SLC35F5: variants seen among roughly 807,000 people sequenced by gnomAD.
SLC35F5 encodes the protein HCV NS5A-transactivated protein 3.
A neutral mutation model predicts 68.6 loss-of-function variants in SLC35F5; 54 were observed. The observed-to-expected ratio is 0.79, with a 90% confidence interval of 0.63 to 0.99. The LOEUF (loss-of-function observed/expected upper bound fraction) is 0.99, where lower values mean the gene tolerates loss of function less well. Among genes scored for constraint, SLC35F5 ranks in the 50% least tolerant of loss-of-function variants. The pLI is 0.00. For missense variants in SLC35F5, 567 were observed against 626.9 expected, an observed-to-expected ratio of 0.90 and a Z score of 1.02; for synonymous variants, 211 against 205.2, an observed-to-expected ratio of 1.03 and a Z score of -0.24.
Position 113,733,901 on chromosome 2 carries a change from T to C in SLC35F5, c.920+685A>G, listed in dbSNP as rs1177008024. Among the ~76,000 whole-genome samples, 4 of 152,252 alleles carry C rather than the reference T, an allele frequency of 2.6e-5. No individual in the cohort carries two copies. In the South Asian group the frequency reaches 8.3e-4, roughly 31 times the overall value. On this transcript the variant is annotated intron_variant, in intron 9 of 15. Coordinates refer to ENST00000245680, the MANE Select transcript of SLC35F5 (RefSeq NM_025181.5). Reference sequence around the variant, plus strand: ...CAAATCATCCTGCTACCTTCTCTGATTTTGTTTCATAAAATAAGTTTTATT... The same window carrying C: ...CAAATCATCCTGCTACCTTCTCTGACTTTGTTTCATAAAATAAGTTTTATT...
In SLC35F5 at chr2:113,714,101, G is replaced by A. The variant is rs1023861826; in HGVS notation, c.*1117C>T. 1 of 152,094 alleles carries A rather than the reference G, an allele frequency of 6.6e-6. No individual in the cohort carries two copies. Among genetic ancestry groups the A allele is most frequent in the Non-Finnish European group, 1.5e-5 (1 of 67,990 alleles). 9.4% of individuals were successfully genotyped at this position (152,094 alleles called of 1,614,324 possible). ...AGGAGCAGTTGCATAATAAGTACAT[G>A]TAAGGCCTAAGTTTAAGAATTGCAA... is the stretch of plus-strand genomic sequence containing the variant. On this transcript the variant is annotated 3_prime_UTR_variant, in exon 16 of 16. Coordinates refer to ENST00000245680, the MANE Select transcript of SLC35F5 (RefSeq NM_025181.5).
At chr2:113,743,570 G>A in intron 6 of SLC35F5, 143 bp downstream of exon 6, 1 of 563,188 alleles carries the variant, frequency 1.8e-6, no homozygotes, top group African/African-American at 1.8e-5. Flanking sequence ...TCACAATCCA[G>A]TCAAACTTCT....
chr2:113,725,047 A>G (rs985598976), intron 12 of SLC35F5, among the ~76,000 whole-genome samples: 2 of 152,184 alleles, frequency 1.3e-5, no homozygotes, highest in African/African-American at 4.8e-5. Context: ...TACATACCTC[A>G]TATGTTTGGA....
chr2:113,755,619 C>A, intron 1 of SLC35F5, 75 bp from the exon 2 acceptor site: 2 of 1,356,590 alleles, frequency 1.5e-6, no homozygotes, highest in East Asian at 2.4e-5. Flanking sequence ...GTTTTTTACT[C>A]TTCATCTTCA....
chr2:113,756,452 G>A lies in SLC35F5; in HGVS notation c.-43C>T. 5.2e-6 allele frequency: 8 copies of A among 1,537,846 alleles called. No homozygotes were observed. The highest frequency in any genetic ancestry group is 6.1e-6 in the Non-Finnish European group (7 of 1,144,922). On this transcript the variant is annotated 5_prime_UTR_variant, in exon 1 of 16. Coordinates refer to ENST00000245680, the MANE Select transcript of SLC35F5 (RefSeq NM_025181.5). Reference sequence around the variant, plus strand: ...CCCGCAGCCGCCCAGCGCCACGGCCGCGGCCTCGGACTCACAGAGCTGTCA... The same window carrying A: ...CCCGCAGCCGCCCAGCGCCACGGCCACGGCCTCGGACTCACAGAGCTGTCA...
chr2:113,755,784 G>C, intron 1 of SLC35F5: 3 of 1,425,190 alleles, frequency 2.1e-6, no homozygotes, highest in Non-Finnish European at 2.9e-6. Context: ...TACAACATAC[G>C]GCACATTTAA....
chr2:113,732,267 C>T (rs1200766152), intron 9 of SLC35F5, among the ~76,000 whole-genome samples: 1 of 152,046 alleles, frequency 6.6e-6, no homozygotes, highest in Non-Finnish European at 1.5e-5. Flanking sequence ...TTCATAAACT[C>T]AATTGTTATT....
intron 6 of SLC35F5, among the ~76,000 whole-genome samples, chr2:113,743,399 CT>C (rs1301838201): frequency 1.3e-5 from 2 of 151,962 alleles, no homozygotes; most frequent in African/African-American, 4.8e-5. Flanking sequence ...CTATTAGGCT[CT>C]TTGAGGGCAT....
intron 14 of SLC35F5, among the ~76,000 whole-genome samples, chr2:113,718,213 AGCTTG>A (rs1225189378): frequency 1.1e-4 from 17 of 151,908 alleles, no homozygotes; most frequent in African/African-American, 4.1e-4. Context: ...CCTCCCAAGT[AGCTTG>A]GGACTGCAGG....
chr2:113,722,521 T>C (rs1314450713), intron 13 of SLC35F5, among the ~76,000 whole-genome samples: 2 of 152,226 alleles, frequency 1.3e-5, no homozygotes, highest in Non-Finnish European at 2.9e-5. Flanking sequence ...ACCTCTGTTC[T>C]TCCTGCTTCA....
chr2:113,709,710 T>C lies in SLC35F5; in HGVS notation c.*5508A>G, dbSNP rs1301209090. Among the ~76,000 whole-genome samples the C allele has an allele frequency of 6.6e-6, 1 of 152,174 alleles. No homozygotes were observed. The highest frequency in any genetic ancestry group is 1.5e-5 in the Non-Finnish European group (1 of 68,022). ...GGTCCTGGGACCAGCAGCTGGGGCATTACCTGGACGCTTGTTAGAAAGGCA... is the reference window on the plus strand; with the variant it reads ...GGTCCTGGGACCAGCAGCTGGGGCACTACCTGGACGCTTGTTAGAAAGGCA... On this transcript the variant is annotated 3_prime_UTR_variant, in exon 16 of 16. Coordinates refer to ENST00000245680, the MANE Select transcript of SLC35F5 (RefSeq NM_025181.5).
intron 2 of SLC35F5, 36 bp from the exon 3 acceptor site, chr2:113,755,342 A>G (rs1188938756): frequency 6.2e-7 from 1 of 1,608,790 alleles, no homozygotes; most frequent in South Asian, 1.1e-5. Flanking sequence ...ATTAGAGATG[A>G]TTTTAGAAAA....
chr2:113,745,954 A>G (rs909165445), intron 5 of SLC35F5, among the ~76,000 whole-genome samples: 10 of 152,200 alleles, frequency 6.6e-5, no homozygotes, highest in African/African-American at 2.4e-4. Flanking sequence ...CTCAGTGTCA[A>G]AAATATTTGT....
rs762878032 is a variant in SLC35F5 at position 113,717,738 on chromosome 2, A to G, written c.*22+15T>C. On this transcript the variant is annotated intron_variant, in intron 15 of 15. Transcript: ENST00000245680. ...AAGAACCTTATTCAATACTAAACCC[A>G]GCTCACATACAAACCTGGGCTACAG... 6 of 1,530,356 alleles carry G rather than the reference A, an allele frequency of 3.9e-6. No individual in the cohort carries two copies. In the East Asian group the frequency reaches 1.4e-4, roughly 34 times the overall value. The allele number at this position is 1,530,356 out of a possible 1,614,324, so 94.8% of individuals were successfully genotyped here. A position where few individuals can be genotyped will look rare whatever the true frequency, so the allele number is the denominator to read the frequency against.
chr2:113,739,688 T>G lies in SLC35F5; in HGVS notation c.750+3004A>C, dbSNP rs146732288. Among the ~76,000 whole-genome samples the G allele has an allele frequency of 1.0e-3, 155 of 152,270 alleles. 4 individuals carry two copies. In the East Asian group the frequency reaches 0.028, roughly 28 times the overall value. ...TGTATTAATTATATGCTACCCAGTT[T>G]TCAAAGGAGATGTGTAATAAAAGCA... On this transcript the variant is annotated intron_variant, in intron 7 of 15. Coordinates refer to ENST00000245680, the MANE Select transcript of SLC35F5 (RefSeq NM_025181.5).
chr2:113,729,582 G>T (rs2104432568), intron 10 of SLC35F5, 77 bp from the exon 11 acceptor site: 2 of 751,272 alleles, frequency 2.7e-6, no homozygotes, highest in Non-Finnish European at 4.6e-6. Context: ...TAATGTGTCA[G>T]ATAATATTGC....
chr2:113,754,615 A>G (rs899622986), intron 3 of SLC35F5, among the ~76,000 whole-genome samples: 2 of 152,226 alleles, frequency 1.3e-5, no homozygotes, highest in Non-Finnish European at 2.9e-5. Flanking sequence ...TAAAGACACA[A>G]TTTAACTGAA....
At chr2:113,726,647 G>A (rs1194433730) in intron 11 of SLC35F5, among the ~76,000 whole-genome samples, 2 of 152,100 alleles carry the variant, frequency 1.3e-5, no homozygotes, top group Non-Finnish European at 2.9e-5. Flanking sequence ...CTTCTGTGAA[G>A]GGGGGCAAAT....
At position 113,719,134 on chromosome 2, in the gene SLC35F5, T is replaced by C. The variant is rs1318198601; in HGVS notation, c.1496+20A>G. Reference sequence around the variant, plus strand: ...CTAGCAAACACTATTTTTAAAAATGTGTATTGGGACTAAACTTACCTCTGA... The same window carrying C: ...CTAGCAAACACTATTTTTAAAAATGCGTATTGGGACTAAACTTACCTCTGA... On this transcript the variant is annotated intron_variant, in intron 14 of 15. Coordinates refer to ENST00000245680, the MANE Select transcript of SLC35F5 (RefSeq NM_025181.5). 3.8e-6 allele frequency: 6 copies of C among 1,589,348 alleles called. No homozygotes were observed. Among genetic ancestry groups the C allele is most frequent in the African/African-American group, 1.4e-5 (1 of 73,288 alleles).
Sources: gnomAD v4.1 joint callset for allele counts (sites outside exome capture counted in the v4.1 genomes callset) on GRCh38, gnomAD v4.1.1 for gene constraint, MANE v1.5 for transcripts, NCBI Gene and HGNC (gene_info 2026-07-23, HGNC 2026-07-21) for gene names.